The following USP6NL variants were observed in gnomAD, a reference collection of about 807,000 sequenced individuals.
USP6NL encodes USP6 N-terminal-like protein.
A neutral mutation model predicts 61.9 loss-of-function variants in USP6NL; 26 were observed. The ratio of observed to expected loss-of-function variants is 0.42; its 90% CI spans 0.31 to 0.58. The LOEUF (loss-of-function observed/expected upper bound fraction) is 0.58. USP6NL is among the 20% of genes least tolerant of loss of function. The probability of loss-of-function intolerance (pLI) is 0.16; values close to 1 mark genes in which losing one functional copy is unlikely to be tolerated. For missense variants in USP6NL, 1,114 were observed against 1,034.3 expected (o/e 1.08, Z -1.06); for synonymous variants, 432 against 390.1 (o/e 1.11, Z -1.27).
Position 11,589,730 on chromosome 10 carries a change from TA to T in USP6NL, c.4+7900del, listed in dbSNP as rs1189167961. Among the ~76,000 whole-genome samples the T allele has an allele frequency of 1.3e-5, 2 of 152,236 alleles. No homozygotes were observed. The highest frequency in any genetic ancestry group is 3.8e-4 in the East Asian group (2 of 5,204). On this transcript the variant is annotated intron_variant, in intron 2 of 14. Transcript: ENST00000609104. The surrounding 1 kb of genome is among the most constrained non-coding windows in gnomAD (Gnocchi z 4.7). ...CATCTAAAACAGGCAACTGTATTTT[TA>T]AAAAGACATTGTGACGCCAAATGCC...
chr10:11,537,513 T>A lies in USP6NL; in HGVS notation c.5-9946A>T, dbSNP rs1384396108. Among the ~76,000 whole-genome samples the A allele has an allele frequency of 6.6e-6, 1 of 152,226 alleles. No homozygotes were observed. Among genetic ancestry groups the A allele is most frequent in the Non-Finnish European group, 1.5e-5 (1 of 68,042 alleles). On this transcript the variant is annotated intron_variant, in intron 2 of 14. Transcript: ENST00000609104. The surrounding 1 kb of genome is among the most constrained non-coding windows in gnomAD (Gnocchi z 5.1). ...TTTAACTTTTCATTATCAGCACAAA[T>A]ATGATTTATACCTTCCCATTCAAAA...
chr10:11,462,542 C>T lies in USP6NL; in HGVS notation c.2386G>A (p.Asp796Asn), dbSNP rs2096218889. 6.2e-7 allele frequency: 1 copy of T among 1,614,034 alleles called. No homozygotes were observed. The highest frequency in any genetic ancestry group is 1.6e-4 in the Middle Eastern group (1 of 6,062). Residue 796 changes from aspartate to asparagine, a missense_variant, in exon 15 of 15, where the codon GAT becomes AAT. Asp to Asn is a conservative substitution (Grantham distance 23, BLOSUM62 1). Transcript: ENST00000609104. ...TATGGATATCCAGATGGACTGGCAT[C>T]TTCTGCGGCCGGTGAAGCTTTATAT... ...VRYKASPAAE[D>N]ASPSGYPYSG...
intron 2 of USP6NL, among the ~76,000 whole-genome samples, chr10:11,582,941 G>A (rs936880482): frequency 2.0e-5 from 3 of 148,996 alleles, no homozygotes; most frequent in South Asian, 2.2e-4. Context: ...TATCTAGTAT[G>A]TAAGAGGTAC....
intron 6 of USP6NL, among the ~76,000 whole-genome samples, chr10:11,501,882 T>C (rs1248131062): frequency 1.3e-5 from 2 of 152,218 alleles, no homozygotes; most frequent in African/African-American, 2.4e-5. Context: ...TTAAATGACA[T>C]TGATGCTATC....
intron 2 of USP6NL, among the ~76,000 whole-genome samples, chr10:11,551,283 A>C (rs943108955): frequency 1.3e-5 from 2 of 152,250 alleles, no homozygotes; most frequent in African/African-American, 4.8e-5. Flanking sequence ...ATTCAACAAC[A>C]AAAAGGAAAA....
Position 11,611,093 on chromosome 10 carries a change from G to T in USP6NL, c.-84+350C>A, listed in dbSNP as rs527485369. On this transcript the variant is annotated intron_variant, in intron 1 of 14. Coordinates refer to ENST00000609104, the MANE Select transcript of USP6NL (RefSeq NM_014688.5). This position sits in a 1 kb window ranked among gnomAD's most constrained non-coding sequence, Gnocchi z 5.3. ...CTGCCCACTGGGGCTCGGGAGACGC[G>T]ACCGAAACTTGCGAGGGAGACGCGC... Among the ~76,000 whole-genome samples the T allele has an allele frequency of 6.2e-4, 95 of 152,106 alleles. No homozygotes were observed. The highest frequency in any genetic ancestry group is 1.2e-3 in the Non-Finnish European group (80 of 67,988).
At position 11,590,899 on chromosome 10, in the gene USP6NL, T is replaced by C. The variant is rs78700704; in HGVS notation, c.4+6732A>G. ...CAAACCCTGAAAACTGTGTTTCCTG[T>C]AATGTAGCATATTTCATAACTAATA... On this transcript the variant is annotated intron_variant, in intron 2 of 14. Transcript: ENST00000609104. Among the ~76,000 whole-genome samples, 662 of 152,250 alleles carry C rather than the reference T, an allele frequency of 4.3e-3. 7 individuals are homozygous for C. The highest frequency in any genetic ancestry group is 0.022 in the East Asian group (113 of 5,180).
chr10:11,594,101 A>AT (rs1353610475), intron 2 of USP6NL, among the ~76,000 whole-genome samples: 1 of 151,670 alleles, frequency 6.6e-6, no homozygotes, highest in Middle Eastern at 3.2e-3. Flanking sequence ...CATATCCATA[A>AT]TTTTTTTTTC....
chr10:11,581,330 A>C (rs1837764594), intron 2 of USP6NL, among the ~76,000 whole-genome samples: 1 of 152,242 alleles, frequency 6.6e-6, no homozygotes, highest in South Asian at 2.1e-4. Flanking sequence ...GTGTTTTCAC[A>C]CTTTCATATG....
At chr10:11,577,414 T>C (rs1175109226) in intron 2 of USP6NL, among the ~76,000 whole-genome samples, 1 of 152,176 alleles carries the variant, frequency 6.6e-6, no homozygotes, top group African/African-American at 2.4e-5. Context: ...TTTCTGATAC[T>C]ATTGAAAACG....
intron 2 of USP6NL, among the ~76,000 whole-genome samples, chr10:11,536,583 C>G (rs1049215983): frequency 1.3e-5 from 2 of 152,196 alleles, no homozygotes; most frequent in Admixed American, 6.5e-5. Flanking sequence ...CCGCTTGTAA[C>G]TGCTGCTAAT....
chr10:11,599,261 A>G (rs1264912566), intron 1 of USP6NL, among the ~76,000 whole-genome samples: 1 of 152,194 alleles, frequency 6.6e-6, no homozygotes, highest in East Asian at 1.9e-4. Context: ...CAGATGACCC[A>G]AGAGTCCACT....
chr10:11,531,003 C>T (rs1028737443), intron 2 of USP6NL, among the ~76,000 whole-genome samples: 3 of 152,204 alleles, frequency 2.0e-5, no homozygotes, highest in African/African-American at 4.8e-5. Context: ...TCTGTGTGCA[C>T]ATGTGAACAA....
At chr10:11,526,866 G>C (rs989390085) in intron 3 of USP6NL, among the ~76,000 whole-genome samples, 3 of 151,928 alleles carry the variant, frequency 2.0e-5, no homozygotes, top group African/African-American at 7.3e-5. Flanking sequence ...CCAACATAAG[G>C]ATAAAACGTT....
At chr10:11,572,060 A>G (rs975914542) in intron 2 of USP6NL, among the ~76,000 whole-genome samples, 5 of 151,914 alleles carry the variant, frequency 3.3e-5, no homozygotes, top group African/African-American at 1.2e-4. Context: ...ATATATCTAT[A>G]TATGAGCATT....
chr10:11,505,962 T>C (rs1445869008), intron 6 of USP6NL, among the ~76,000 whole-genome samples: 2 of 152,194 alleles, frequency 1.3e-5, no homozygotes, highest in Non-Finnish European at 2.9e-5. Flanking sequence ...CAAATCTGCA[T>C]CTAAAAAAGT....
chr10:11,586,230 G>C (rs1837957320), intron 2 of USP6NL, among the ~76,000 whole-genome samples: 1 of 152,062 alleles, frequency 6.6e-6, no homozygotes. Context: ...ATGTAAATGG[G>C]TGCAATCTTT....
intron 2 of USP6NL, among the ~76,000 whole-genome samples, chr10:11,543,724 T>C (rs1326192145): frequency 4.7e-5 from 7 of 148,024 alleles, no homozygotes; most frequent in Admixed American, 2.0e-4. Context: ...ACACAACTGA[T>C]CCATGAGAAA....
intron 2 of USP6NL, among the ~76,000 whole-genome samples, chr10:11,535,877 G>A (rs1278562555): frequency 6.6e-6 from 1 of 152,070 alleles, no homozygotes; most frequent in East Asian, 1.9e-4. Flanking sequence ...CACAGATTAA[G>A]ATATATTAAG....
Sources: gnomAD v4.1 joint callset for allele counts (sites outside exome capture counted in the v4.1 genomes callset) on GRCh38, gnomAD v4.1.1 for gene constraint, Gnocchi (gnomAD v3.1) non-coding constraint, MANE v1.5 for transcripts, NCBI Gene and HGNC (gene_info 2026-07-23, HGNC 2026-07-21) for gene names.